GABRA3: variants seen among roughly 807,000 people sequenced by gnomAD.
The protein encoded by GABRA3 is gamma-aminobutyric acid receptor subunit alpha-3.
In GABRA3, 10 loss-of-function variants were observed where a neutral mutation model predicts 30.1. The observed-to-expected ratio is 0.33, with a 90% CI of 0.20 to 0.56. GABRA3 has a LOEUF of 0.56. GABRA3 is among the 20% of genes least tolerant of loss of function. The pLI, the probability that GABRA3 is intolerant of heterozygous loss-of-function variation, is 0.89. For missense variants in GABRA3, 233 were observed against 392.0 expected (o/e 0.59, Z 3.42); for synonymous variants, 151 against 146.8 (o/e 1.03, Z -0.21).
At chrX:152,241,776 G>A (rs1478496020) in intron 5 of GABRA3, among the ~76,000 whole-genome samples, 2 of 110,387 alleles carry the variant, frequency 1.8e-5, no homozygotes, top group Non-Finnish European at 1.9e-5. Flanking sequence ...TTCCAGGTGC[G>A]TCCGTCACCC....
intron 1 of GABRA3, among the ~76,000 whole-genome samples, chrX:152,410,874 T>C (rs193106047): frequency 9.0e-6 from 1 of 111,635 alleles, no homozygotes; most frequent in African/African-American, 3.2e-5. Flanking sequence ...AATTAAGACA[T>C]TGGACTCACT....
At position 152,421,098 on chromosome X, in the gene GABRA3, T is replaced by TACAC. The variant is rs60206606; in HGVS notation, c.-27+30044_-27+30047dup. On this transcript the variant is annotated intron_variant, in intron 1 of 9. Coordinates refer to ENST00000370314, the MANE Select transcript of GABRA3 (RefSeq NM_000808.4). ...CTAACACACTGATATTTACACATTA[T>TACAC]ACACACACACACACACACACACACA... 7.9e-3 allele frequency among the ~76,000 whole-genome samples: 750 copies of TACAC among 94,985 alleles called. 9 individuals are homozygous for TACAC. Among genetic ancestry groups the TACAC allele is most frequent in the African/African-American group, 0.026 (683 of 26,512 alleles). 82.5% of individuals were successfully genotyped at this position (94,985 alleles called of 115,157 possible).
At chrX:152,324,225 G>C (rs1442306643) in intron 3 of GABRA3, among the ~76,000 whole-genome samples, 1 of 112,051 alleles carries the variant, frequency 8.9e-6, no homozygotes, top group Non-Finnish European at 1.9e-5. Context: ...GGGAAGATAG[G>C]CTTAATTAGT....
At chrX:152,248,950 A>G (rs1938506995) in intron 5 of GABRA3, among the ~76,000 whole-genome samples, 1 of 111,805 alleles carries the variant, frequency 8.9e-6, no homozygotes. Context: ...TTTATATGTC[A>G]ATCAAAACAT....
At chrX:152,267,910 G>C (rs6627564) in intron 4 of GABRA3, among the ~76,000 whole-genome samples, 18 of 109,305 alleles carry the variant, frequency 1.6e-4, no homozygotes, top group African/African-American at 6.2e-4. Flanking sequence ...GTAGCTACAG[G>C]TTTGTTGATT....
intron 5 of GABRA3, among the ~76,000 whole-genome samples, chrX:152,234,210 A>C (rs1052003002): frequency 1.8e-5 from 2 of 110,680 alleles, no homozygotes; most frequent in Admixed American, 9.6e-5. Flanking sequence ...AAAAAAAATT[A>C]AAAAATAAAA....
At chrX:152,440,580 T>C (rs1930900505) in intron 1 of GABRA3, among the ~76,000 whole-genome samples, 1 of 112,376 alleles carries the variant, frequency 8.9e-6, no homozygotes, top group Non-Finnish European at 1.9e-5. Context: ...CTATGTTTAT[T>C]GTGGCACTGT....
At chrX:152,383,565 G>T (rs1929209722) in intron 1 of GABRA3, among the ~76,000 whole-genome samples, 1 of 109,008 alleles carries the variant, frequency 9.2e-6, no homozygotes, top group African/African-American at 3.3e-5. Context: ...AGAATGCAAA[G>T]ATGGTTTAAC....
intron 5 of GABRA3, among the ~76,000 whole-genome samples, chrX:152,249,381 A>G (rs976414169): frequency 2.7e-5 from 3 of 111,527 alleles, no homozygotes; most frequent in Admixed American, 9.6e-5. Flanking sequence ...AAGTGTTGTG[A>G]AGATTAGAGA....
At chrX:152,189,987 A>G (rs202055268) in intron 8 of GABRA3, 46 bp from the exon 9 acceptor site, 1 of 933,343 alleles carries the variant, frequency 1.1e-6, no homozygotes, top group Non-Finnish European at 1.5e-6. Flanking sequence ...GAAGACATTG[A>G]GAGCTTATTC....
chrX:152,375,599 A>C (rs1928974046), intron 1 of GABRA3, among the ~76,000 whole-genome samples: 1 of 111,415 alleles, frequency 9.0e-6, no homozygotes, highest in Non-Finnish European at 1.9e-5. Flanking sequence ...TACTTGGACT[A>C]CTCTTTCAGC....
chrX:152,367,141 T>C lies in GABRA3; in HGVS notation c.-26-2545A>G, dbSNP rs998219410. 2.7e-5 allele frequency among the ~76,000 whole-genome samples: 3 copies of C among 110,991 alleles called. No individual in the cohort carries two copies. The East Asian group carries it at 8.5e-4, about 32-fold the overall frequency. Reference sequence around the variant, plus strand: ...ACAACCATGATGTACAAGCAGAAGGTAAAACCTATTGCTGATTTTAATCAA... The same window carrying C: ...ACAACCATGATGTACAAGCAGAAGGCAAAACCTATTGCTGATTTTAATCAA... On this transcript the variant is annotated intron_variant, in intron 1 of 9. Transcript: ENST00000370314.
chrX:152,355,134 C>T (rs538640702), intron 2 of GABRA3, among the ~76,000 whole-genome samples: 1 of 111,085 alleles, frequency 9.0e-6, no homozygotes, highest in African/African-American at 3.3e-5. Context: ...CAGCAGTCTC[C>T]TCTTCAGTTC....
At chrX:152,224,718 A>T (rs200640005) in intron 6 of GABRA3, 45 bp downstream of exon 6, 1 of 932,999 alleles carries the variant, frequency 1.1e-6, no homozygotes, top group Non-Finnish European at 1.5e-6. Flanking sequence ...CTTTTGGAAG[A>T]TCAGGCAAAA....
chrX:152,253,833 C>A, intron 5 of GABRA3, among the ~76,000 whole-genome samples: 1 of 111,350 alleles, frequency 9.0e-6, no homozygotes, highest in Middle Eastern at 4.7e-3. Flanking sequence ...CTCTACCTAT[C>A]CACCTACAAG....
chrX:152,288,462 C>T (rs772030466), intron 3 of GABRA3, among the ~76,000 whole-genome samples: 1 of 112,417 alleles, frequency 8.9e-6, no homozygotes, highest in Admixed American at 9.4e-5. Context: ...AGTATTTAGA[C>T]CAGTAGTTAG....
chrX:152,326,447 C>G (rs1940059988), intron 3 of GABRA3, among the ~76,000 whole-genome samples: 1 of 111,072 alleles, frequency 9.0e-6, no homozygotes, highest in Admixed American at 9.6e-5. Flanking sequence ...TTAAGGGCAG[C>G]CAGAAAGAAA....
intron 7 of GABRA3, among the ~76,000 whole-genome samples, 168 bp from the exon 8 acceptor site, chrX:152,197,953 G>T (rs767617175): frequency 3.1e-4 from 35 of 111,318 alleles, no homozygotes; most frequent in Middle Eastern, 4.6e-3. Flanking sequence ...TGTGTTTTTT[G>T]TGTGTGTGTG....
intron 1 of GABRA3, among the ~76,000 whole-genome samples, chrX:152,403,040 T>G (rs1929833990): frequency 9.0e-6 from 1 of 111,694 alleles, no homozygotes. Context: ...ATACTTTATT[T>G]ATGTGAAGTC....
Sources: allele counts gnomAD v4.1 joint callset (sites outside exome capture counted in the v4.1 genomes callset), GRCh38; gene constraint gnomAD v4.1.1; transcripts MANE v1.5; gene names NCBI Gene and HGNC (gene_info 2026-07-23, HGNC 2026-07-21).